The following NPAS3 variants were observed in gnomAD, a reference collection of about 807,000 sequenced individuals.
NPAS3 encodes neuronal PAS domain protein 3.
In NPAS3, 14 loss-of-function variants were observed where a neutral mutation model predicts 73.1. The ratio of observed to expected loss-of-function variants is 0.19; its 90% CI spans 0.13 to 0.30. The LOEUF is 0.30. NPAS3 is among the 10% of genes least tolerant of loss of function. NPAS3 has a pLI of 1.00. For synonymous variants in NPAS3, 620 were observed against 541.5 expected (o/e 1.14, Z -2.01); for missense variants, 1,096 against 1,250.0 (o/e 0.88, Z 1.86).
At chr14:33,700,787 G>A (rs1056793678) in intron 6 of NPAS3, among the ~76,000 whole-genome samples, 1 of 152,128 alleles carries the variant, frequency 6.6e-6, no homozygotes. Context: ...ATTGAAATGG[G>A]GTTGGTCTGA....
chr14:33,471,087 A>G (rs892885728), intron 4 of NPAS3, among the ~76,000 whole-genome samples: 8 of 152,278 alleles, frequency 5.3e-5, no homozygotes, highest in African/African-American at 1.9e-4. Context: ...AGCTCTGCGC[A>G]TATTAGGTAG....
chr14:33,759,092 CTG>C (rs1256350915), intron 7 of NPAS3, among the ~76,000 whole-genome samples: 1 of 152,166 alleles, frequency 6.6e-6, no homozygotes, highest in Non-Finnish European at 1.5e-5. Context: ...TCTCCTGCCT[CTG>C]TACAATTTCC....
At chr14:33,029,316 T>C (rs574802780) in intron 1 of NPAS3, among the ~76,000 whole-genome samples, 1 of 152,274 alleles carries the variant, frequency 6.6e-6, no homozygotes, top group East Asian at 1.9e-4. Context: ...TCAATTTTAA[T>C]ATTTAAAAAT....
chr14:33,443,279 G>T (rs1392426635), intron 4 of NPAS3, among the ~76,000 whole-genome samples: 1 of 149,086 alleles, frequency 6.7e-6, no homozygotes, highest in Non-Finnish European at 1.5e-5. Context: ...TGTTAAAAAA[G>T]GAAAAAAAAA....
chr14:33,661,730 G>T (rs553223233), intron 5 of NPAS3, among the ~76,000 whole-genome samples: 1 of 152,158 alleles, frequency 6.6e-6, no homozygotes, highest in Non-Finnish European at 1.5e-5. Context: ...TTGAAAAGGA[G>T]ATATGTCTAT....
intron 2 of NPAS3, among the ~76,000 whole-genome samples, chr14:33,091,965 T>A (rs2138816416): frequency 6.6e-6 from 1 of 152,236 alleles, no homozygotes; most frequent in South Asian, 2.1e-4. Context: ...ATTGATGGGA[T>A]GTATCTCAAA....
In NPAS3 at chr14:33,497,108, A is replaced by G. The variant is rs577512584; in HGVS notation, c.469-63013A>G. On this transcript the variant is annotated intron_variant, in intron 4 of 11. Coordinates refer to ENST00000356141, the Ensembl canonical transcript of NPAS3. Reference sequence around the variant, plus strand: ...GAACTCCCATTCACAATTGCTACAAAGAGAATAAAATAGCTAGGAATACAA... The same window carrying G: ...GAACTCCCATTCACAATTGCTACAAGGAGAATAAAATAGCTAGGAATACAA... Among the ~76,000 whole-genome samples, 4 of 152,314 alleles carry G rather than the reference A, an allele frequency of 2.6e-5. No individual in the cohort carries two copies. The East Asian group carries it at 7.7e-4, about 29-fold the overall frequency.
At chr14:33,744,846 C>G (rs185060288) in intron 7 of NPAS3, among the ~76,000 whole-genome samples, 6 of 151,868 alleles carry the variant, frequency 4.0e-5, no homozygotes, top group African/African-American at 1.4e-4. Flanking sequence ...TAAGAATTAC[C>G]AAAATGTGAT....
At chr14:33,026,221 C>G (rs1314072384) in intron 1 of NPAS3, among the ~76,000 whole-genome samples, 1 of 152,186 alleles carries the variant, frequency 6.6e-6, no homozygotes, top group African/African-American at 2.4e-5. Flanking sequence ...CTGGCTGGCC[C>G]CAATTCAACT....
At chr14:33,201,893 A>G (rs2046633708) in intron 2 of NPAS3, among the ~76,000 whole-genome samples, 1 of 152,248 alleles carries the variant, frequency 6.6e-6, no homozygotes, top group East Asian at 1.9e-4. Flanking sequence ...CAATGTTACT[A>G]TTAATGTTAC....
rs148812234 is a variant in NPAS3, at chr14:33,768,972, C to T, written c.853-5365C>T. On this transcript the variant is annotated intron_variant, in intron 7 of 11. Transcript: ENST00000356141. ...ATTGGTGGTGGTATGGCAAGCCTGG[C>T]ATTTATGTTAGAATGGAATTGTGGA... is the stretch of plus-strand genomic sequence containing the variant. 3.7e-3 allele frequency among the ~76,000 whole-genome samples: 557 copies of T among 152,202 alleles called. 3 individuals are homozygous for T. The highest frequency in any genetic ancestry group is 0.013 in the African/African-American group (534 of 41,506).
intron 2 of NPAS3, among the ~76,000 whole-genome samples, chr14:33,173,500 T>C (rs2045472223): frequency 6.6e-6 from 1 of 152,188 alleles, no homozygotes; most frequent in Admixed American, 6.5e-5. Flanking sequence ...ATATTGTTTA[T>C]TTTTTAAAAA....
rs1214540116 is a variant in NPAS3, at chr14:33,037,039, A to AT, written c.51-18862dup. On this transcript the variant is annotated intron_variant, in intron 1 of 11. Transcript: ENST00000356141. ...TTTGTTTGGAAATTGAACCACTGTG[A>AT]TTTTGCATAGAATGTGTTTAGATAC... Among the ~76,000 whole-genome samples, 10 of 152,294 alleles carry AT rather than the reference A, an allele frequency of 6.6e-5. No individual in the cohort carries two copies. In the East Asian group the frequency reaches 1.2e-3, roughly 18 times the overall value.
At chr14:33,479,030 G>A (rs114553279) in intron 4 of NPAS3, among the ~76,000 whole-genome samples, 1,608 of 152,144 alleles carry the variant, frequency 0.011, 28 homozygotes, top group African/African-American at 0.036. Flanking sequence ...TGTCAATTCC[G>A]GCCAAATGAT....
At chr14:33,216,834 C>T (rs1363962866) in intron 3 of NPAS3, among the ~76,000 whole-genome samples, 1 of 152,160 alleles carries the variant, frequency 6.6e-6, no homozygotes, top group Non-Finnish European at 1.5e-5. Flanking sequence ...AGGTACCTCT[C>T]AAGGACAGGA....
intron 4 of NPAS3, among the ~76,000 whole-genome samples, chr14:33,501,302 C>A (rs2052501552): frequency 6.6e-6 from 1 of 151,844 alleles, no homozygotes; most frequent in Non-Finnish European, 1.5e-5. Context: ...ATGGTGGTAG[C>A]CTGCACAGCT....
intron 5 of NPAS3, among the ~76,000 whole-genome samples, chr14:33,625,302 A>G (rs1212858955): frequency 6.6e-6 from 1 of 152,248 alleles, no homozygotes; most frequent in African/African-American, 2.4e-5. Context: ...AACCATAGGC[A>G]TAAACACGAT....
chr14:33,642,898 G>A (rs1308173181), intron 5 of NPAS3, among the ~76,000 whole-genome samples: 2 of 152,138 alleles, frequency 1.3e-5, no homozygotes, highest in African/African-American at 4.8e-5. Flanking sequence ...TATTGTGGCT[G>A]CCAAATTTAC....
intron 6 of NPAS3, among the ~76,000 whole-genome samples, chr14:33,680,432 G>A (rs995483477): frequency 1.2e-4 from 19 of 152,200 alleles, no homozygotes; most frequent in Middle Eastern, 3.4e-3. Context: ...TATGCACTAC[G>A]TACCCTCCTA....
Sources: gnomAD v4.1 joint callset for allele counts (sites outside exome capture counted in the v4.1 genomes callset) on GRCh38, gnomAD v4.1.1 for gene constraint, MANE v1.5 for transcripts, NCBI Gene and HGNC (gene_info 2026-07-23, HGNC 2026-07-21) for gene names.